The following PPME1 variants were observed in gnomAD, a reference collection of about 807,000 sequenced individuals.
PPME1 encodes testicular secretory protein Li 39.
In PPME1, 17 loss-of-function variants were observed where a neutral mutation model predicts 56.9. The ratio of observed to expected loss-of-function variants is 0.30; its 90% CI spans 0.20 to 0.45. The LOEUF (loss-of-function observed/expected upper bound fraction) is 0.45. Ranked by LOEUF, PPME1 falls within the 20% of genes least tolerant of loss-of-function variation. The pLI is 1.00. For missense variants in PPME1, 357 were observed against 483.2 expected (o/e 0.74, Z 2.45); for synonymous variants, 122 against 156.2 (o/e 0.78, Z 1.63).
At chr11:74,237,675 A>T (rs1256530430) in intron 8 of PPME1, 2 of 152,056 alleles carry the variant, frequency 1.3e-5, no homozygotes, top group Admixed American at 6.6e-5. Context: ...ATACCTCTTT[A>T]AGATAAGTAT....
At chr11:74,250,908 G>GC in intron 11 of PPME1, 46 bp from the exon 12 acceptor site, 4 of 1,496,828 alleles carry the variant, frequency 2.7e-6, no homozygotes, top group Non-Finnish European at 2.7e-6. Flanking sequence ...GCATAAGAGA[G>GC]GGCTCTTTTA....
intron 1 of PPME1, among the ~76,000 whole-genome samples, chr11:74,187,216 C>G (rs1438477777): frequency 6.6e-6 from 1 of 151,958 alleles, no homozygotes; most frequent in Non-Finnish European, 1.5e-5. Context: ...TTTTAAAAAA[C>G]TTATTTTGGG....
intron 1 of PPME1, among the ~76,000 whole-genome samples, chr11:74,191,154 A>G (rs1196280076): frequency 6.6e-6 from 1 of 152,182 alleles, no homozygotes; most frequent in Non-Finnish European, 1.5e-5. Flanking sequence ...TGGACAACAT[A>G]GTGAGACTTC....
chr11:74,242,596 T>TG (rs1473597636), intron 9 of PPME1, among the ~76,000 whole-genome samples: 4 of 152,070 alleles, frequency 2.6e-5, no homozygotes, highest in Admixed American at 1.3e-4. Context: ...GAAAACAGTC[T>TG]GGGGTTGGGT....
At chr11:74,186,601 C>G (rs1446032975) in intron 1 of PPME1, among the ~76,000 whole-genome samples, 1 of 152,092 alleles carries the variant, frequency 6.6e-6, no homozygotes, top group South Asian at 2.1e-4. Flanking sequence ...CTGTGTTTAT[C>G]TCCATTGTCT....
At chr11:74,216,235 T>C (rs1241237332) in intron 3 of PPME1, among the ~76,000 whole-genome samples, 1 of 152,210 alleles carries the variant, frequency 6.6e-6, no homozygotes, top group African/African-American at 2.4e-5. Flanking sequence ...GGATGGACCA[T>C]GTTAGGTCAC....
At chr11:74,243,837 T>TA (rs1454458415) in intron 9 of PPME1, among the ~76,000 whole-genome samples, 1 of 151,264 alleles carries the variant, frequency 6.6e-6, no homozygotes, top group African/African-American at 2.4e-5. Flanking sequence ...AAACAACCCA[T>TA]AAAATATGCC....
At chr11:74,223,019 GC>G (rs1858839213) in intron 4 of PPME1, among the ~76,000 whole-genome samples, 1 of 151,048 alleles carries the variant, frequency 6.6e-6, no homozygotes, top group Non-Finnish European at 1.5e-5. Context: ...GTATACATGT[GC>G]CATGCTGGTG....
chr11:74,245,225 A>T (rs1375324159), intron 9 of PPME1, among the ~76,000 whole-genome samples: 1 of 151,892 alleles, frequency 6.6e-6, no homozygotes, highest in East Asian at 1.9e-4. Flanking sequence ...AAAAAAAGCC[A>T]TGGGAATTTT....
In PPME1 at chr11:74,203,748, T is replaced by C; in HGVS notation, c.122T>C (p.Phe41Ser). 1 of 1,611,788 alleles carries C rather than the reference T, an allele frequency of 6.2e-7. No individual in the cohort carries two copies. ...MRMGPGRKRD[F>S]SPVPWSQYFE... is the part of the protein sequence containing the mutation. ...CTCAGCCCTGGAAGAAAGCGGGACT[T>C]TTCCCCTGTTCCTTGGAGTCAGTAT... The change falls in exon 2 of 14, where the codon TTT (phenylalanine) becomes TCT (serine). Residue 41 changes from phenylalanine to serine, a missense_variant. Physicochemically the swap from Phe to Ser is radical, Grantham distance 155. Coordinates refer to ENST00000328257, the MANE Select transcript of PPME1 (RefSeq NM_016147.3).
At chr11:74,212,758 T>A (rs1208446964) in intron 3 of PPME1, among the ~76,000 whole-genome samples, 2 of 152,080 alleles carry the variant, frequency 1.3e-5, no homozygotes, top group Non-Finnish European at 2.9e-5. Context: ...GAAGGGAGCC[T>A]GCTTCCCTGA....
At chr11:74,183,867 T>G (rs145906883) in intron 1 of PPME1, among the ~76,000 whole-genome samples, 1,703 of 152,312 alleles carry the variant, frequency 0.011, 20 homozygotes, top group Middle Eastern at 0.02. Context: ...AATAAACATT[T>G]GTTGAGTGAA....
chr11:74,175,770 T>A (rs1857386614), intron 1 of PPME1, among the ~76,000 whole-genome samples: 1 of 152,214 alleles, frequency 6.6e-6, no homozygotes, highest in Non-Finnish European at 1.5e-5. Context: ...TTTTATATTC[T>A]ATGAGGTAAA....
chr11:74,240,088 C>T (rs1859318365), intron 9 of PPME1, among the ~76,000 whole-genome samples: 1 of 151,992 alleles, frequency 6.6e-6, no homozygotes, highest in Non-Finnish European at 1.5e-5. Flanking sequence ...TGCGTGCCAC[C>T]ACACCCAACT....
chr11:74,189,910 A>G (rs1857789508), intron 1 of PPME1, among the ~76,000 whole-genome samples: 1 of 152,196 alleles, frequency 6.6e-6, no homozygotes, highest in Non-Finnish European at 1.5e-5. Flanking sequence ...CTTGTGATTC[A>G]CTGGGCTTCA....
chr11:74,174,889 T>TA (rs1235243414), intron 1 of PPME1, among the ~76,000 whole-genome samples: 1 of 152,228 alleles, frequency 6.6e-6, no homozygotes, highest in Non-Finnish European at 1.5e-5. Context: ...GGATTCAATC[T>TA]AAGTTTAGTC....
chr11:74,233,793 G>A (rs1208196535), intron 7 of PPME1, among the ~76,000 whole-genome samples: 1 of 152,226 alleles, frequency 6.6e-6, no homozygotes, highest in East Asian at 1.9e-4. Context: ...CTGCACTTCA[G>A]CCTGAACAAC....
rs536904369 is a variant in PPME1 at position 74,250,777 on chromosome 11, G to T, written c.1010-177G>T. 9 of 587,936 alleles carry T rather than the reference G, an allele frequency of 1.5e-5. No individual in the cohort carries two copies. The Admixed American group carries it at 1.7e-4, about 11-fold the overall frequency. 36.4% of individuals were successfully genotyped at this position (587,936 alleles called of 1,614,324 possible). ...GAAAAAGTGAAGGGAAATGATTGGC[G>T]CAAGGTTACAATTACTTGTATTACC... On this transcript the variant is annotated intron_variant, in intron 11 of 13. Transcript: ENST00000328257.
chr11:74,252,517 A>C (rs1028420252), intron 13 of PPME1: 6 of 456,036 alleles, frequency 1.3e-5, no homozygotes, highest in South Asian at 9.3e-5. Context: ...AGCTGGCAGA[A>C]TATTAGCCAC....
Sources: allele counts gnomAD v4.1 joint callset (sites outside exome capture counted in the v4.1 genomes callset), GRCh38; gene constraint gnomAD v4.1.1; transcripts MANE v1.5; gene names NCBI Gene and HGNC (gene_info 2026-07-23, HGNC 2026-07-21).